Variants in KCNG3 observed in about 807,000 individuals in gnomAD.
The protein encoded by KCNG3 is potassium voltage-gated channel modifier subfamily G member 3.
In KCNG3, 15 loss-of-function variants were observed where a neutral mutation model predicts 29.0. The ratio of observed to expected loss-of-function variants is 0.52; its 90% CI spans 0.35 to 0.80. The LOEUF (loss-of-function observed/expected upper bound fraction) is 0.80, where lower values mean the gene tolerates loss of function less well. KCNG3 is among the 30% of genes least tolerant of loss of function. The pLI, the probability that KCNG3 is intolerant of heterozygous loss-of-function variation, is 0.01. For synonymous variants in KCNG3, 322 were observed against 248.9 expected (o/e 1.29, Z -2.76); for missense variants, 512 against 605.7 (o/e 0.85, Z 1.62).
At chr2:42,466,630 C>T (rs1673146680) in intron 1 of KCNG3, among the ~76,000 whole-genome samples, 1 of 152,162 alleles carries the variant, frequency 6.6e-6, no homozygotes, top group Middle Eastern at 3.4e-3. Flanking sequence ...TCCCAAGCAT[C>T]TCCGGTCGTT....
rs998927342 is a variant in KCNG3 at position 42,442,644 on chromosome 2, C to T, written c.*1290G>A. On this transcript the variant is annotated 3_prime_UTR_variant, in exon 2 of 2. Transcript: ENST00000306078. ...CATTCAATTTTTTATGAATCTGTCACTAATTATTTGTGTTTATATATACAC... is the reference window on the plus strand; with the variant it reads ...CATTCAATTTTTTATGAATCTGTCATTAATTATTTGTGTTTATATATACAC... The T allele has an allele frequency of 2.0e-5, 3 of 152,162 alleles. No individual in the cohort carries two copies. The highest frequency in any genetic ancestry group is 7.2e-5 in the African/African-American group (3 of 41,438). 9.4% of individuals were successfully genotyped at this position (152,162 alleles called of 1,614,324 possible). A position where few individuals can be genotyped will look rare whatever the true frequency, so the allele number is the denominator to read the frequency against.
chr2:42,458,971 T>A (rs1313198346), intron 1 of KCNG3, among the ~76,000 whole-genome samples: 1 of 151,952 alleles, frequency 6.6e-6, no homozygotes, highest in Non-Finnish European at 1.5e-5. Context: ...CCAAGGTGGG[T>A]GGATTACCTG....
At chr2:42,475,042 A>G (rs1407230922) in intron 1 of KCNG3, among the ~76,000 whole-genome samples, 1 of 152,198 alleles carries the variant, frequency 6.6e-6, no homozygotes, top group African/African-American at 2.4e-5. Context: ...GGTGTTCAGT[A>G]TATTTGCTGA....
intron 1 of KCNG3, among the ~76,000 whole-genome samples, chr2:42,480,041 C>A (rs1356405745): frequency 6.6e-6 from 1 of 152,130 alleles, no homozygotes; most frequent in Non-Finnish European, 1.5e-5. Context: ...AACAAACAAA[C>A]AAAAACACAC....
chr2:42,392,609 A>T, the KCNG3 span, among the ~76,000 whole-genome samples: 1 of 152,142 alleles, frequency 6.6e-6, no homozygotes, highest in Admixed American at 6.6e-5. Flanking sequence ...ACAGCCAAAG[A>T]GATGGGAGCT....
chr2:42,393,813 G>T, the KCNG3 span, among the ~76,000 whole-genome samples: 2 of 151,680 alleles, frequency 1.3e-5, no homozygotes, highest in Non-Finnish European at 2.9e-5. Flanking sequence ...CAGAGTCTCG[G>T]TCTGTCGCCC....
intron 1 of KCNG3, among the ~76,000 whole-genome samples, chr2:42,467,197 G>A (rs11685479): frequency 0.25 from 37,117 of 151,320 alleles, 5,155 homozygotes; most frequent in East Asian, 0.56. Context: ...AAAACTGAAC[G>A]GTCCTACAAT....
At chr2:42,411,386 G>C in the KCNG3 span, among the ~76,000 whole-genome samples, 2 of 152,154 alleles carry the variant, frequency 1.3e-5, no homozygotes, top group African/African-American at 4.8e-5. Flanking sequence ...ATGAGGCTTA[G>C]TCTTCTGATC....
chr2:42,481,743 C>G (rs1350357858), intron 1 of KCNG3, among the ~76,000 whole-genome samples: 2 of 152,112 alleles, frequency 1.3e-5, no homozygotes, highest in East Asian at 3.9e-4. Context: ...GACATATCCG[C>G]CTCAGGGATT....
chr2:42,451,898 T>TCAAAAA (rs1322899605), intron 1 of KCNG3, among the ~76,000 whole-genome samples: 2 of 151,386 alleles, frequency 1.3e-5, no homozygotes, highest in African/African-American at 4.9e-5. Context: ...AGACCCTACC[T>TCAAAAA]CAAAAACAAA....
At chr2:42,456,312 T>C (rs72976288) in intron 1 of KCNG3, among the ~76,000 whole-genome samples, 3,306 of 152,146 alleles carry the variant, frequency 0.022, 106 homozygotes, top group African/African-American at 0.075. Context: ...ACTTGAGTCA[T>C]CTTCTTAGTA....
At chr2:42,422,521 G>A in the KCNG3 span, among the ~76,000 whole-genome samples, 1 of 151,988 alleles carries the variant, frequency 6.6e-6, no homozygotes, top group Non-Finnish European at 1.5e-5. Flanking sequence ...CTCCTAATCA[G>A]TACATCCCAA....
At chr2:42,451,571 G>T (rs927811928) in intron 1 of KCNG3, among the ~76,000 whole-genome samples, 1 of 151,230 alleles carries the variant, frequency 6.6e-6, no homozygotes, top group African/African-American at 2.4e-5. Flanking sequence ...CTAAAAATAC[G>T]AAAATTAGCT....
At chr2:42,436,926 T>C in the KCNG3 span, among the ~76,000 whole-genome samples, 1 of 152,130 alleles carries the variant, frequency 6.6e-6, no homozygotes, top group Non-Finnish European at 1.5e-5. Flanking sequence ...GCATGAAAAA[T>C]GAAATTTTTT....
intron 1 of KCNG3, among the ~76,000 whole-genome samples, chr2:42,451,812 A>G (rs1672761519): frequency 6.6e-6 from 1 of 151,862 alleles, no homozygotes; most frequent in Non-Finnish European, 1.5e-5. Flanking sequence ...AGGTGGGAGG[A>G]TCCCCTGAGC....
chr2:42,412,805 G>C, the KCNG3 span, among the ~76,000 whole-genome samples: 1 of 152,152 alleles, frequency 6.6e-6, no homozygotes, highest in African/African-American at 2.4e-5. Flanking sequence ...AGGGCATTCA[G>C]TGATGTTTTC....
chr2:42,393,998 C>T, the KCNG3 span, among the ~76,000 whole-genome samples: 1 of 152,144 alleles, frequency 6.6e-6, no homozygotes, highest in Non-Finnish European at 1.5e-5. Context: ...CCAGACTGGT[C>T]TTGAACTCCT....
chr2:42,435,201 G>A, the KCNG3 span, among the ~76,000 whole-genome samples: 66 of 152,176 alleles, frequency 4.3e-4, no homozygotes, highest in African/African-American at 1.5e-3. Flanking sequence ...TACTCAGGAG[G>A]CTGAGGCAGG....
chr2:42,473,906 C>T (rs1673356422), intron 1 of KCNG3, among the ~76,000 whole-genome samples: 2 of 152,070 alleles, frequency 1.3e-5, no homozygotes, highest in Admixed American at 6.6e-5. Context: ...AATCCCACCA[C>T]TTTGGGAAGC....
Sources: allele counts gnomAD v4.1 joint callset (sites outside exome capture counted in the v4.1 genomes callset), GRCh38; gene constraint gnomAD v4.1.1; transcripts MANE v1.5; gene names NCBI Gene and HGNC (gene_info 2026-07-23, HGNC 2026-07-21).